Variants in CAMSAP1 observed in about 807,000 individuals in gnomAD.
CAMSAP1 encodes calmodulin-regulated spectrin-associated protein 1.
Under a neutral mutation model 143.5 loss-of-function variants are expected in CAMSAP1, and 58 were observed. The observed-to-expected ratio is 0.40, with a 90% confidence interval of 0.33 to 0.50. CAMSAP1 has a LOEUF of 0.50. Ranked by LOEUF, CAMSAP1 falls within the 20% of genes least tolerant of loss-of-function variation. CAMSAP1 has a pLI of 0.45. For missense variants in CAMSAP1, 1,969 were observed against 2,115.7 expected, an observed-to-expected ratio of 0.93 and a Z score of 1.36; for synonymous variants, 945 against 859.3, an observed-to-expected ratio of 1.10 and a Z score of -1.74.
At chr9:135,816,663 A>T (rs1835240153) in intron 14 of CAMSAP1, among the ~76,000 whole-genome samples, 1 of 152,232 alleles carries the variant, frequency 6.6e-6, no homozygotes, top group South Asian at 2.1e-4. Flanking sequence ...GGGATCTGCC[A>T]CAAAGCCCAG....
intron 11 of CAMSAP1, among the ~76,000 whole-genome samples, chr9:135,819,557 G>C (rs1835366528): frequency 6.6e-6 from 1 of 151,492 alleles, no homozygotes; most frequent in Admixed American, 6.6e-5. Context: ...AAATTGGCTA[G>C]ATGTGGTGGC....
intron 3 of CAMSAP1, among the ~76,000 whole-genome samples, chr9:135,874,436 G>A (rs1387477633): frequency 1.7e-5 from 2 of 120,414 alleles, no homozygotes; most frequent in Non-Finnish European, 3.2e-5. Flanking sequence ...CGTACCACCT[G>A]TACTCCAGCC....
chr9:135,868,609 A>ATTTTTTTTTTT lies in CAMSAP1; in HGVS notation c.586-2084_586-2074dup, dbSNP rs767495608. Among the ~76,000 whole-genome samples, 16 of 93,476 alleles carry ATTTTTTTTTTT rather than the reference A, an allele frequency of 1.7e-4. 1 individual carries two copies. Among genetic ancestry groups the ATTTTTTTTTTT allele is most frequent in the South Asian group, 3.9e-4 (1 of 2,576 alleles). 61.3% of individuals were successfully genotyped at this position (93,476 alleles called of 152,430 possible). On this transcript the variant is annotated intron_variant, in intron 3 of 16. Transcript: ENST00000389532. ...AAAGGCTTTTCTGATGAGATTGGCA[A>ATTTTTTTTTTT]TTTTTTTTTTTTTTTTTTTTTTTTT...
chr9:135,856,885 G>A (rs546869562), intron 5 of CAMSAP1, among the ~76,000 whole-genome samples: 3 of 152,334 alleles, frequency 2.0e-5, no homozygotes, highest in Admixed American at 6.5e-5. Context: ...CCCATCCATG[G>A]GAAGGCTGGC....
chr9:135,825,588 C>T (rs1411961927), intron 8 of CAMSAP1, among the ~76,000 whole-genome samples: 1 of 152,202 alleles, frequency 6.6e-6, no homozygotes, highest in Non-Finnish European at 1.5e-5. Flanking sequence ...GTGTGCGGAT[C>T]GCACAGTTCT....
chr9:135,888,315 G>A (rs1838188694), intron 1 of CAMSAP1, among the ~76,000 whole-genome samples: 1 of 152,246 alleles, frequency 6.6e-6, no homozygotes, highest in Admixed American at 6.5e-5. Flanking sequence ...GTGGCCATCT[G>A]TCGACTGCAG....
At chr9:135,834,524 T>C (rs73559404) in intron 7 of CAMSAP1, among the ~76,000 whole-genome samples, 2,758 of 152,244 alleles carry the variant, frequency 0.018, 91 homozygotes, top group African/African-American at 0.064. Context: ...CTGGAAGATA[T>C]TATGTACAGT....
At chr9:135,873,106 A>C (rs1011666968) in intron 3 of CAMSAP1, among the ~76,000 whole-genome samples, 8 of 152,350 alleles carry the variant, frequency 5.3e-5, no homozygotes, top group African/African-American at 1.7e-4. Flanking sequence ...AATAAACTTA[A>C]AAGGATGAAA....
At chr9:135,886,867 T>C (rs1046980459) in intron 1 of CAMSAP1, among the ~76,000 whole-genome samples, 1 of 152,184 alleles carries the variant, frequency 6.6e-6, no homozygotes, top group Non-Finnish European at 1.5e-5. Flanking sequence ...CCTGATGCAG[T>C]ACGACAAAAA....
chr9:135,863,687 G>A (rs1009519659), intron 4 of CAMSAP1, among the ~76,000 whole-genome samples: 1 of 151,960 alleles, frequency 6.6e-6, no homozygotes, highest in Admixed American at 6.6e-5. Flanking sequence ...TAGCAATAAG[G>A]CTTATTTTAT....
chr9:135,881,633 C>T lies in CAMSAP1; in HGVS notation c.585G>A (p.Lys195=), dbSNP rs776188045. The change falls in exon 3 of 17, where the codon AAG becomes AAA. Residue 195 remains lysine, a splice_region_variant and synonymous_variant. Coordinates refer to ENST00000389532, the MANE Select transcript of CAMSAP1 (RefSeq NM_015447.4). ...CACCACATCTAGGCAGGGCACTCAC[C>T]TTGTTGATCCAGAACACCATGGCAT... ...LEDAMVFWIN[K]VNLKMREITE... is the part of the protein sequence containing the mutation. The T allele has an allele frequency of 1.9e-6, 3 of 1,551,680 alleles. No individual in the cohort carries two copies.
intron 7 of CAMSAP1, among the ~76,000 whole-genome samples, chr9:135,846,090 A>ACC (rs1836537914): frequency 6.8e-6 from 1 of 146,472 alleles, no homozygotes; most frequent in African/African-American, 2.6e-5. Context: ...AAAAAAAAAA[A>ACC]AAACGAAGCT....
chr9:135,813,665 G>C (rs143132656), intron 16 of CAMSAP1, among the ~76,000 whole-genome samples: 1 of 152,194 alleles, frequency 6.6e-6, no homozygotes, highest in African/African-American at 2.4e-5. Flanking sequence ...GCGGCCCTTG[G>C]TGGGCACCTG....
intron 1 of CAMSAP1, among the ~76,000 whole-genome samples, chr9:135,887,128 G>A (rs1341740999): frequency 6.6e-6 from 1 of 152,170 alleles, no homozygotes. Flanking sequence ...TCCAGTGAGA[G>A]CCGGGCGCAG....
At chr9:135,849,267 T>C (rs1836685388) in intron 7 of CAMSAP1, among the ~76,000 whole-genome samples, 2 of 152,202 alleles carry the variant, frequency 1.3e-5, no homozygotes, top group South Asian at 4.1e-4. Flanking sequence ...TCTCGTGTAA[T>C]TTACTGAATG....
At chr9:135,900,909 C>T (rs1217160347) in intron 1 of CAMSAP1, among the ~76,000 whole-genome samples, 1 of 151,950 alleles carries the variant, frequency 6.6e-6, no homozygotes, top group African/African-American at 2.4e-5. Flanking sequence ...CGCATGCCAC[C>T]ACACCCAGCT....
chr9:135,866,438 A>G lies in CAMSAP1; in HGVS notation c.666+18T>C, dbSNP rs1431232982. On this transcript the variant is annotated intron_variant, in intron 4 of 16. Transcript: ENST00000389532. ...CATTAACTTAGTGCATTCCAGAAAA[A>G]TTAAATTTACCCTTTACCTTTTGAT... The G allele has an allele frequency of 4.6e-6, 6 of 1,291,808 alleles. No homozygotes were observed. In the Admixed American group the frequency reaches 9.9e-5, roughly 21 times the overall value. 80.0% of individuals were successfully genotyped at this position (1,291,808 alleles called of 1,614,324 possible). A position where few individuals can be genotyped will look rare whatever the true frequency, so the allele number is the denominator to read the frequency against.
intron 3 of CAMSAP1, among the ~76,000 whole-genome samples, chr9:135,875,765 T>C (rs966910399): frequency 1.3e-5 from 2 of 152,128 alleles, no homozygotes; most frequent in African/African-American, 4.8e-5. Flanking sequence ...CCTTCCCTCA[T>C]ATCATTCATA....
chr9:135,822,222 C>T lies in CAMSAP1; in HGVS notation c.2439G>A (p.Lys813=). The change falls in exon 11 of 17, where the codon AAG becomes AAA. Residue 813 remains lysine (K), a synonymous_variant. Coordinates refer to ENST00000389532, the MANE Select transcript of CAMSAP1 (RefSeq NM_015447.4). The surrounding 1 kb of genome is among the most constrained non-coding windows in gnomAD (Gnocchi z 6.1). The part of the protein sequence containing the change: ...SSVSMASGSV[K]MTSFAERKLQ... ...GCTTCCTCTCCGCAAAGCTGGTCATCTTCACGCTCCCACTCGCCATGGAGA... is the reference window on the plus strand; with the variant it reads ...GCTTCCTCTCCGCAAAGCTGGTCATTTTCACGCTCCCACTCGCCATGGAGA... 1 of 1,614,020 alleles carries T rather than the reference C, an allele frequency of 6.2e-7. No homozygotes were observed. The highest frequency in any genetic ancestry group is 8.5e-7 in the Non-Finnish European group (1 of 1,179,904).
Sources: allele counts gnomAD v4.1 joint callset (sites outside exome capture counted in the v4.1 genomes callset), GRCh38; gene constraint gnomAD v4.1.1; non-coding constraint Gnocchi (gnomAD v3.1); transcripts MANE v1.5; gene names NCBI Gene and HGNC (gene_info 2026-07-23, HGNC 2026-07-21).